MROH2B: variants seen among roughly 807,000 people sequenced by gnomAD.
The protein encoded by MROH2B is maestro heat like repeat family member 2B.
Under a neutral mutation model 208.6 loss-of-function variants are expected in MROH2B, and 177 were observed. That is an observed-to-expected ratio of 0.85 (90% CI 0.75 to 0.96). The LOEUF is 0.96. Among genes scored for constraint, MROH2B ranks in the 40% least tolerant of loss-of-function variants. The pLI is 0.00. For missense variants in MROH2B, 2,002 were observed against 1,878.7 expected, an observed-to-expected ratio of 1.07 and a Z score of -1.21; for synonymous variants, 728 against 659.0, an observed-to-expected ratio of 1.10 and a Z score of -1.60.
intron 29 of MROH2B, among the ~76,000 whole-genome samples, chr5:41,014,441 G>A (rs977461194): frequency 6.6e-6 from 1 of 152,150 alleles, no homozygotes; most frequent in African/African-American, 2.4e-5. Flanking sequence ...CTGTTGTGGG[G>A]TAGGGGGGTG....
In MROH2B at chr5:41,058,095, T is replaced by C. The variant is rs1743518952; in HGVS notation, c.724A>G (p.Lys242Glu). Reference protein sequence around the residue: ...GQVPWLLNQYKDKEIDFHVTQ... With the variant: ...GQVPWLLNQYEDKEIDFHVTQ... ...ACATGGAAATCAATCTCTTTGTCTTTATACTGGTTCAGGAGCCAGGGCACC... is the reference window on the plus strand; with the variant it reads ...ACATGGAAATCAATCTCTTTGTCTTCATACTGGTTCAGGAGCCAGGGCACC... The change falls in exon 7 of 42, where the codon AAA becomes GAA. Residue 242 changes from lysine to glutamate, a missense_variant. Physicochemically the swap from Lys to Glu is moderately conservative, Grantham distance 56 (BLOSUM62 1). Coordinates refer to ENST00000399564, the MANE Select transcript of MROH2B (RefSeq NM_173489.5). 1 of 1,603,170 alleles carries C rather than the reference T, an allele frequency of 6.2e-7. No individual in the cohort carries two copies. Among genetic ancestry groups the C allele is most frequent in the Non-Finnish European group, 8.5e-7 (1 of 1,174,830 alleles).
At chr5:41,006,539 T>G (rs1364683136) in intron 34 of MROH2B, among the ~76,000 whole-genome samples, 1 of 152,160 alleles carries the variant, frequency 6.6e-6, no homozygotes, top group Non-Finnish European at 1.5e-5. Context: ...TGCACACACA[T>G]GTTTACAGCA....
chr5:41,032,993 G>C (rs1320490690), intron 23 of MROH2B, 48 bp downstream of exon 23: 1 of 1,608,620 alleles, frequency 6.2e-7, no homozygotes, highest in African/African-American at 1.3e-5. Context: ...CTGAACTCTT[G>C]GTAATGGAAT....
At chr5:41,013,325 C>T (rs1204443176) in intron 29 of MROH2B, among the ~76,000 whole-genome samples, 10 of 152,074 alleles carry the variant, frequency 6.6e-5, no homozygotes, top group Non-Finnish European at 1.2e-4. Flanking sequence ...TCTCTAGGTA[C>T]AAGAAGTATA....
Position 41,061,551 on chromosome 5 carries a change from C to A in MROH2B, c.615+19G>T. On this transcript the variant is annotated intron_variant, in intron 6 of 41. Transcript: ENST00000399564. ...GCATATAGGGACATCCAGCTTGAGG[C>A]ATCCTGAGGCCCACTCACCTGCATG... 6.3e-7 allele frequency: 1 copy of A among 1,587,048 alleles called. No individual in the cohort carries two copies. Among genetic ancestry groups the A allele is most frequent in the Non-Finnish European group, 8.6e-7 (1 of 1,167,112 alleles).
At chr5:41,045,677 G>C (rs1469866232) in intron 18 of MROH2B, 69 bp downstream of exon 18, 6 of 1,137,794 alleles carry the variant, frequency 5.3e-6, no homozygotes, top group African/African-American at 1.5e-5. Context: ...ATACAGACAA[G>C]ATGGAGCTAG....
chr5:41,052,621 C>T (rs1386224663), intron 11 of MROH2B, 34 bp from the exon 12 acceptor site: 1 of 1,559,038 alleles, frequency 6.4e-7, no homozygotes, highest in African/African-American at 1.4e-5. Context: ...CAACATTTTA[C>T]TATGTTTTGC....
rs1440328636 is a variant in MROH2B at position 41,018,433 on chromosome 5, GT to G, written c.2674-4del. 6.2e-7 allele frequency: 1 copy of G among 1,610,996 alleles called. No homozygotes were observed. Reference sequence around the variant, plus strand: ...GAAACAAGCCACATTTGGAGAAGCTGTTGGTCAAAGAATAAATGTTCTTTCC... The same window carrying G: ...GAAACAAGCCACATTTGGAGAAGCTGTGGTCAAAGAATAAATGTTCTTTCC... On this transcript the variant is annotated splice_region_variant and splice_polypyrimidine_tract_variant and intron_variant, in intron 26 of 41. Coordinates refer to ENST00000399564, the MANE Select transcript of MROH2B (RefSeq NM_173489.5).
chr5:41,058,677 C>T lies in MROH2B; in HGVS notation c.616-474G>A, dbSNP rs140287834. 4.7e-3 allele frequency among the ~76,000 whole-genome samples: 709 copies of T among 152,024 alleles called. 4 individuals carry two copies. The highest frequency in any genetic ancestry group is 0.015 in the African/African-American group (619 of 41,484). ...TTTATTGTATTTTTTTGAGACAGAG[C>T]TTTTCTATTTTTTAAACCTCTCTCT... On this transcript the variant is annotated intron_variant, in intron 6 of 41. Transcript: ENST00000399564.
intron 39 of MROH2B, 199 bp from the exon 40 acceptor site, chr5:40,999,978 A>G (rs1224377909): frequency 2.9e-6 from 2 of 680,056 alleles, no homozygotes; most frequent in East Asian, 5.5e-5. Flanking sequence ...GGATTAATCA[A>G]CAGATATGAA....
intron 38 of MROH2B, 75 bp from the exon 39 acceptor site, chr5:41,000,426 G>A (rs2111784359): frequency 1.3e-6 from 2 of 1,554,704 alleles, no homozygotes; most frequent in Admixed American, 2.0e-5. Context: ...ATGCTGAATA[G>A]TACTGGGAAA....
chr5:41,034,020 T>C, intron 21 of MROH2B, 156 bp from the exon 22 acceptor site: 1 of 983,986 alleles, frequency 1.0e-6, no homozygotes. Context: ...AGGGGGGCAA[T>C]TCACTTCTTC....
At chr5:41,026,119 G>T (rs1284562295) in intron 24 of MROH2B, among the ~76,000 whole-genome samples, 1 of 152,072 alleles carries the variant, frequency 6.6e-6, no homozygotes, top group Non-Finnish European at 1.5e-5. Context: ...CCTTTGAAAA[G>T]TGGCACAAGA....
chr5:41,010,954 C>T (rs529768556), intron 30 of MROH2B, among the ~76,000 whole-genome samples: 13 of 152,200 alleles, frequency 8.5e-5, no homozygotes, highest in East Asian at 5.8e-4. Context: ...TTAAAAATCA[C>T]GGGAACATGG....
In MROH2B at chr5:41,032,807, G is replaced by C. The variant is rs550373894; in HGVS notation, c.2376C>G (p.Asp792Glu). Residue 792 changes from aspartate to glutamate, a missense_variant, in exon 24 of 42, where the codon GAC (aspartate) becomes GAG (glutamate). By Grantham distance (45) the Asp-to-Glu change is conservative. Transcript: ENST00000399564. ...GGCTAGCTAAGGAATCCAGGGGCTCGTCTCTAATGAAGTCCTGAAACATAA... is the reference window on the plus strand; with the variant it reads ...GGCTAGCTAAGGAATCCAGGGGCTCCTCTCTAATGAAGTCCTGAAACATAA... ...LIGYMLDFIRDEPLDSLASPI... is the reference protein window; with the variant it reads ...LIGYMLDFIREEPLDSLASPI... 3.1e-6 allele frequency: 5 copies of C among 1,611,902 alleles called. No individual in the cohort carries two copies. The Admixed American group carries it at 5.0e-5, about 16-fold the overall frequency.
In MROH2B at chr5:41,045,835, A is replaced by G. The variant is rs774982427; in HGVS notation, c.1747T>C (p.Trp583Arg). Residue 583 changes from tryptophan (W) to arginine (R), a missense_variant, in exon 18 of 42, where the codon TGG becomes CGG. Trp to Arg is a moderately radical substitution (Grantham distance 101). Transcript: ENST00000399564. ...GTCCAGGCCACATCACTGATCTTCCATAAGGATTCTTTGAGCAACTGTTGT... is the reference window on the plus strand; with the variant it reads ...GTCCAGGCCACATCACTGATCTTCCGTAAGGATTCTTTGAGCAACTGTTGT... ...MLLQLLKESL[W>R]KISDVAWTIQ... The G allele has an allele frequency of 1.2e-6, 2 of 1,612,130 alleles. No homozygotes were observed. Among genetic ancestry groups the G allele is most frequent in the Admixed American group, 3.3e-5 (2 of 60,004 alleles).
chr5:41,042,091 C>T lies in MROH2B; in HGVS notation c.1953+1G>A, dbSNP rs777730025. 1.3e-6 allele frequency: 2 copies of T among 1,559,662 alleles called. No homozygotes were observed. Among genetic ancestry groups the T allele is most frequent in the Non-Finnish European group, 1.7e-6 (2 of 1,143,274 alleles). The stretch of plus-strand genomic sequence containing the variant: ...AGGAAATTGAGAGCAAGGGGTCCCA[C>T]CTGTCTTTGATCCCCCAGTTGGTTG... On this transcript the variant is annotated splice_donor_variant, in intron 19 of 41. Transcript: ENST00000399564. LOFTEE classifies it high-confidence loss of function.
intron 24 of MROH2B, among the ~76,000 whole-genome samples, chr5:41,020,602 T>C (rs1742113982): frequency 6.6e-6 from 1 of 152,206 alleles, no homozygotes; most frequent in Admixed American, 6.5e-5. Context: ...CTTAATAATA[T>C]TTATTGAATA....
chr5:41,050,643 C>T (rs1220840934), intron 13 of MROH2B, among the ~76,000 whole-genome samples: 1 of 152,084 alleles, frequency 6.6e-6, no homozygotes, highest in Non-Finnish European at 1.5e-5. Flanking sequence ...AACACATTCC[C>T]AGGTGGAATA....
Sources: gnomAD v4.1 joint callset for allele counts (sites outside exome capture counted in the v4.1 genomes callset) on GRCh38, gnomAD v4.1.1 for gene constraint, MANE v1.5 for transcripts, NCBI Gene and HGNC (gene_info 2026-07-23, HGNC 2026-07-21) for gene names.